The following PPP4R3B variants were observed in gnomAD, a reference collection of about 807,000 sequenced individuals.
PPP4R3B encodes the protein serine/threonine-protein phosphatase 4 regulatory subunit 3B.
PPP4R3B carries 52 observed loss-of-function variants against 95.4 expected under a neutral mutation model. That is an observed-to-expected ratio of 0.54 (90% CI 0.44 to 0.69). The LOEUF is 0.69. Ranked by LOEUF, PPP4R3B falls within the 30% of genes least tolerant of loss-of-function variation. The probability of loss-of-function intolerance (pLI) is 0.00; values close to 1 mark genes in which losing one functional copy is unlikely to be tolerated. For synonymous variants in PPP4R3B, 407 were observed against 343.9 expected, an observed-to-expected ratio of 1.18 and a Z score of -2.03; for missense variants, 1,003 against 1,005.9, an observed-to-expected ratio of 1.00 and a Z score of 0.04.
chr2:55,575,315 T>TC (rs1242121391), intron 11 of PPP4R3B, among the ~76,000 whole-genome samples: 5 of 152,178 alleles, frequency 3.3e-5, no homozygotes, highest in African/African-American at 9.7e-5. Flanking sequence ...ATTTTTTCTT[T>TC]CCCTGAGGCT....
chr2:55,552,489 G>A (rs992996508), intron 16 of PPP4R3B, among the ~76,000 whole-genome samples: 4 of 152,154 alleles, frequency 2.6e-5, no homozygotes, highest in African/African-American at 9.7e-5. Flanking sequence ...TGTCTCCAGG[G>A]TGCAAGCGAT....
rs577871977 is a variant in PPP4R3B, at chr2:55,601,444, G to C, written c.298-2405C>G. Among the ~76,000 whole-genome samples the C allele has an allele frequency of 3.3e-5, 5 of 151,174 alleles. 1 individual carries two copies. The highest frequency in any genetic ancestry group is 4.9e-5 in the African/African-American group (2 of 41,168). ...AGCCCAGGCTGGAGTGCAATGGCGC[G>C]ATCTCGGCTCACTGCAAGCTCCGCC... On this transcript the variant is annotated intron_variant, in intron 3 of 16. Coordinates refer to ENST00000616407, the MANE Select transcript of PPP4R3B (RefSeq NM_001122964.3).
At position 55,560,778 on chromosome 2, in the gene PPP4R3B, G is replaced by GA. The variant is rs545517387; in HGVS notation, c.2261-1811dup. On this transcript the variant is annotated intron_variant, in intron 15 of 16. Coordinates refer to ENST00000616407, the MANE Select transcript of PPP4R3B (RefSeq NM_001122964.3). ...GGCAACAGAGAGAGACTCCATCTCA[G>GA]AAAAAAAAAAAAAAAAAAAAAAAAA... is the stretch of plus-strand genomic sequence containing the variant. Among the ~76,000 whole-genome samples, 308 of 91,334 alleles carry GA rather than the reference G, an allele frequency of 3.4e-3. 10 individuals carry two copies. In the East Asian group the frequency reaches 0.039, roughly 11 times the overall value. 59.9% of individuals were successfully genotyped at this position (91,334 alleles called of 152,430 possible).
chr2:55,617,017 A>G, intron 1 of PPP4R3B, 127 bp downstream of exon 1: 1 of 1,103,078 alleles, frequency 9.1e-7, no homozygotes, highest in Non-Finnish European at 1.3e-6. Flanking sequence ...TGCCGTACAC[A>G]AGAGCCAGTT....
At chr2:55,587,995 G>T (rs1319495105) in intron 5 of PPP4R3B, among the ~76,000 whole-genome samples, 3 of 151,982 alleles carry the variant, frequency 2.0e-5, no homozygotes, top group Non-Finnish European at 4.4e-5. Context: ...CTAAATTATA[G>T]AATTGAATAT....
chr2:55,566,176 G>A (rs773371046), intron 13 of PPP4R3B, among the ~76,000 whole-genome samples: 3 of 151,940 alleles, frequency 2.0e-5, no homozygotes, highest in Non-Finnish European at 2.9e-5. Context: ...CCATAATTTG[G>A]TTGCATTATG....
rs185799180 is a variant in PPP4R3B, at chr2:55,583,307, A to G, written c.1234-1609T>C. ...TATTTTGAGGCAACACAGTTTTAAA[A>G]ATGTAAAATTGTTAGCTCTCAGAAA... On this transcript the variant is annotated intron_variant, in intron 7 of 16. Transcript: ENST00000616407. Among the ~76,000 whole-genome samples, 184 of 152,254 alleles carry G rather than the reference A, an allele frequency of 1.2e-3. 1 individual carries two copies. Among genetic ancestry groups the G allele is most frequent in the Middle Eastern group, 0.01 (3 of 294 alleles).
At chr2:55,591,535 T>G (rs936267933) in intron 4 of PPP4R3B, 1 of 983,870 alleles carries the variant, frequency 1.0e-6, no homozygotes, top group Non-Finnish European at 1.2e-6. Flanking sequence ...AATTTCTATT[T>G]TCCTGCATCT....
At chr2:55,552,172 A>T (rs1685323724) in intron 16 of PPP4R3B, among the ~76,000 whole-genome samples, 1 of 152,210 alleles carries the variant, frequency 6.6e-6, no homozygotes, top group African/African-American at 2.4e-5. Context: ...AAAATAATAA[A>T]AATGCAAAAT....
intron 16 of PPP4R3B, among the ~76,000 whole-genome samples, chr2:55,554,698 C>T (rs1421745761): frequency 6.6e-6 from 1 of 152,132 alleles, no homozygotes; most frequent in Non-Finnish European, 1.5e-5. Context: ...TGTGGATTGT[C>T]TTTTCAATTT....
chr2:55,616,704 G>A (rs184862903), intron 1 of PPP4R3B: 1 of 152,664 alleles, frequency 6.6e-6, no homozygotes, highest in Non-Finnish European at 1.5e-5. Flanking sequence ...TGTCGACTGT[G>A]GCACCTGGGG....
chr2:55,604,706 T>C (rs937070323), intron 2 of PPP4R3B, among the ~76,000 whole-genome samples: 2 of 152,136 alleles, frequency 1.3e-5, no homozygotes, highest in South Asian at 2.1e-4. Context: ...TCTTCAATTA[T>C]ATGCCTACCA....
chr2:55,558,943 G>C lies in PPP4R3B; in HGVS notation c.2286C>G (p.Asn762Lys), dbSNP rs1185337936. Reference protein sequence around the residue: ...KKAKESEDKENLPKRTSPGGF... With the variant: ...KKAKESEDKEKLPKRTSPGGF... ...CACCAGGAGATGTCCTTTTGGGAAG[G>C]TTTTCCTTGTCTTCACTTTCTTTTG... The change falls in exon 16 of 17, where the codon AAC becomes AAG. Residue 762 changes from asparagine to lysine, a missense_variant. This residue lies in a region of PPP4R3B where 229 missense variants were observed against 194.7 expected (regional missense o/e 1.18). Coordinates refer to ENST00000616407, the MANE Select transcript of PPP4R3B (RefSeq NM_001122964.3). The C allele has an allele frequency of 6.2e-7, 1 of 1,609,120 alleles. No homozygotes were observed. Among genetic ancestry groups the C allele is most frequent in the Non-Finnish European group, 8.5e-7 (1 of 1,178,202 alleles).
In PPP4R3B at chr2:55,564,908, A is replaced by G. The variant is rs765906899; in HGVS notation, c.2069T>C (p.Leu690Pro). Residue 690 changes from leucine to proline, a missense_variant, in exon 14 of 17, where the codon CTG becomes CCG. Physicochemically the swap from Leu to Pro is moderately conservative, Grantham distance 98. Coordinates refer to ENST00000616407, the MANE Select transcript of PPP4R3B (RefSeq NM_001122964.3). ...EQEKDRQNQKLNSVPSILRSN... is the reference protein window; with the variant it reads ...EQEKDRQNQKPNSVPSILRSN... ...CAGTATACTTAAACAATACCTGTTC[A>G]GTTTCTGATTTTGTCTGTCTTTTTC... 1 of 1,610,116 alleles carries G rather than the reference A, an allele frequency of 6.2e-7. No individual in the cohort carries two copies. Among genetic ancestry groups the G allele is most frequent in the Admixed American group, 1.7e-5 (1 of 59,230 alleles).
intron 15 of PPP4R3B, among the ~76,000 whole-genome samples, chr2:55,562,569 G>C (rs754262293): frequency 2.1e-4 from 32 of 152,162 alleles, no homozygotes; most frequent in Non-Finnish European, 3.1e-4. Flanking sequence ...CATGTTTCCT[G>C]TTAAGCCTAC....
chr2:55,577,193 C>G, intron 11 of PPP4R3B, 122 bp downstream of exon 11: 1 of 1,229,536 alleles, frequency 8.1e-7, no homozygotes, highest in Non-Finnish European at 1.1e-6. Context: ...AAGTAAATTT[C>G]TTCTTGGATT....
chr2:55,580,544 C>A (rs1689315739), intron 8 of PPP4R3B, among the ~76,000 whole-genome samples: 1 of 152,096 alleles, frequency 6.6e-6, no homozygotes. Flanking sequence ...AATTTGGAAC[C>A]CCAGATTTCA....
At chr2:55,603,861 T>C in intron 3 of PPP4R3B, 117 bp downstream of exon 3, 4 of 573,510 alleles carry the variant, frequency 7.0e-6, no homozygotes, top group Non-Finnish European at 1.2e-5. Flanking sequence ...AGTTAGATTA[T>C]CAAGTCTCAC....
At position 55,617,342 on chromosome 2, in the gene PPP4R3B, T is replaced by TC; in HGVS notation, c.-58dup. 6.6e-7 allele frequency: 1 copy of TC among 1,511,450 alleles called. No individual in the cohort carries two copies. Among genetic ancestry groups the TC allele is most frequent in the Non-Finnish European group, 8.9e-7 (1 of 1,124,984 alleles). The allele number at this position is 1,511,450 out of a possible 1,614,324, so 93.6% of individuals were successfully genotyped here. On this transcript the variant is annotated 5_prime_UTR_variant, in exon 1 of 17. Coordinates refer to ENST00000616407, the MANE Select transcript of PPP4R3B (RefSeq NM_001122964.3). ...GCCTCCTCGCTTACCTCGTCCGCGC[T>TC]CCTCACTCTTAGGAGACGGTAAAGG...
Sources: gnomAD v4.1 joint callset for allele counts (sites outside exome capture counted in the v4.1 genomes callset) on GRCh38, gnomAD v4.1.1 for gene constraint, gnomAD v4.1.1 regional missense constraint, MANE v1.5 for transcripts, NCBI Gene and HGNC (gene_info 2026-07-23, HGNC 2026-07-21) for gene names.